The following CTNND2 variants were observed in gnomAD, a reference collection of about 807,000 sequenced individuals.
The protein encoded by CTNND2 is catenin delta 2.
In CTNND2, 22 loss-of-function variants were observed where a neutral mutation model predicts 144.4. The observed-to-expected ratio is 0.15, with a 90% CI of 0.11 to 0.22. CTNND2 has a LOEUF of 0.22. Ranked by LOEUF, CTNND2 falls within the 10% of genes least tolerant of loss-of-function variation. The pLI, the probability that CTNND2 is intolerant of heterozygous loss-of-function variation, is 1.00. For synonymous variants in CTNND2, 751 were observed against 695.6 expected (o/e 1.08, Z -1.25); for missense variants, 1,353 against 1,618.8 (o/e 0.84, Z 2.82).
At chr5:11,761,587 G>T (rs1292889778) in intron 1 of CTNND2, among the ~76,000 whole-genome samples, 1 of 152,030 alleles carries the variant, frequency 6.6e-6, no homozygotes, top group Non-Finnish European at 1.5e-5. Flanking sequence ...TAAAGTATTG[G>T]ATTTGAATTT....
intron 17 of CTNND2, among the ~76,000 whole-genome samples, chr5:11,018,752 CT>C (rs1178399597): frequency 6.7e-6 from 1 of 148,776 alleles, no homozygotes; most frequent in Non-Finnish European, 1.5e-5. Flanking sequence ...GCTCTGTTGC[CT>C]AGGCTGGAGT....
chr5:11,883,515 C>CT (rs1283937511), intron 1 of CTNND2, among the ~76,000 whole-genome samples: 2 of 152,152 alleles, frequency 1.3e-5, no homozygotes, highest in East Asian at 1.9e-4. Context: ...ATGAACTCAT[C>CT]TTTTTTATGG....
intron 12 of CTNND2, among the ~76,000 whole-genome samples, chr5:11,128,374 T>C (rs891952311): frequency 2.6e-5 from 4 of 152,106 alleles, no homozygotes; most frequent in Non-Finnish European, 4.4e-5. Flanking sequence ...GCTTGGATTC[T>C]TCCCCAGAGC....
chr5:11,887,865 C>T (rs990364861), intron 1 of CTNND2, among the ~76,000 whole-genome samples: 4 of 152,102 alleles, frequency 2.6e-5, no homozygotes, highest in African/African-American at 9.7e-5. Context: ...AAATGTCTTC[C>T]ACATGATTAG....
chr5:11,151,492 T>C (rs982625805), intron 12 of CTNND2, among the ~76,000 whole-genome samples: 33 of 152,362 alleles, frequency 2.2e-4, no homozygotes, highest in African/African-American at 2.4e-4. Context: ...AACTTTTTCA[T>C]TGAATTTCTT....
intron 2 of CTNND2, among the ~76,000 whole-genome samples, chr5:11,639,591 C>T (rs1169873246): frequency 2.0e-5 from 3 of 152,106 alleles, no homozygotes; most frequent in Non-Finnish European, 2.9e-5. Flanking sequence ...TGAAAAAATT[C>T]CATTGCTTAG....
At chr5:11,570,476 C>T (rs1008563847) in intron 2 of CTNND2, among the ~76,000 whole-genome samples, 2 of 152,132 alleles carry the variant, frequency 1.3e-5, no homozygotes, top group Non-Finnish European at 2.9e-5. Flanking sequence ...TTTTATTCTA[C>T]TCTCACACTT....
chr5:11,605,573 A>G (rs1484637119), intron 2 of CTNND2, among the ~76,000 whole-genome samples: 1 of 152,196 alleles, frequency 6.6e-6, no homozygotes, highest in Non-Finnish European at 1.5e-5. Context: ...TGCTGTTTTT[A>G]AAAAAGATCC....
intron 14 of CTNND2, among the ~76,000 whole-genome samples, chr5:11,102,856 G>A (rs1752032769): frequency 6.6e-6 from 1 of 151,938 alleles, no homozygotes; most frequent in African/African-American, 2.4e-5. Flanking sequence ...AATAACATAT[G>A]CGTGGGGCTG....
intron 12 of CTNND2, among the ~76,000 whole-genome samples, chr5:11,125,298 T>C (rs1754568388): frequency 6.6e-6 from 1 of 152,208 alleles, no homozygotes; most frequent in South Asian, 2.1e-4. Context: ...ATCCCCTTCA[T>C]TCTTCCACGA....
rs564936379 is a variant in CTNND2 at position 11,383,687 on chromosome 5, T to C, written c.1177+978A>G. Among the ~76,000 whole-genome samples, 5 of 152,282 alleles carry C rather than the reference T, an allele frequency of 3.3e-5. No individual in the cohort carries two copies. In the East Asian group the frequency reaches 7.7e-4, roughly 24 times the overall value. On this transcript the variant is annotated intron_variant, in intron 7 of 21. Transcript: ENST00000304623. ...TTTTAAATCCTATTTATCTTCACAG[T>C]CATCTATTTGTGTCAAGAAAGGAAG...
Position 11,498,972 on chromosome 5 carries a change from G to T in CTNND2, c.287+65972C>A, listed in dbSNP as rs893198214. Among the ~76,000 whole-genome samples, 6 of 152,104 alleles carry T rather than the reference G, an allele frequency of 3.9e-5. No individual in the cohort carries two copies. In the East Asian group the frequency reaches 1.2e-3, roughly 29 times the overall value. ...GAACATTCTCATCTCCTAAGAATTT[G>T]AACACATTAAAATGCAGACTTCATG... On this transcript the variant is annotated intron_variant, in intron 3 of 21. Transcript: ENST00000304623.
At chr5:11,847,763 A>T (rs1794816672) in intron 1 of CTNND2, among the ~76,000 whole-genome samples, 1 of 152,044 alleles carries the variant, frequency 6.6e-6, no homozygotes, top group Admixed American at 6.6e-5. Context: ...TTACATGTCA[A>T]TTATAAATTT....
chr5:11,160,929 A>T (rs1758712140), intron 11 of CTNND2, among the ~76,000 whole-genome samples: 1 of 152,250 alleles, frequency 6.6e-6, no homozygotes, highest in Admixed American at 6.5e-5. Flanking sequence ...TAAATAAGTG[A>T]CTATAAAAAT....
At chr5:11,512,942 G>A (rs925762495) in intron 3 of CTNND2, among the ~76,000 whole-genome samples, 7 of 152,140 alleles carry the variant, frequency 4.6e-5, no homozygotes, top group South Asian at 2.1e-4. Flanking sequence ...CAAATCTCAC[G>A]TCCTTCCTTT....
chr5:11,875,261 T>C (rs924883468), intron 1 of CTNND2, among the ~76,000 whole-genome samples: 3 of 152,180 alleles, frequency 2.0e-5, no homozygotes, highest in African/African-American at 7.2e-5. Context: ...CAAAACTACC[T>C]CCCTCTTCCT....
At chr5:11,896,262 T>C (rs942857644) in intron 1 of CTNND2, among the ~76,000 whole-genome samples, 20 of 152,314 alleles carry the variant, frequency 1.3e-4, no homozygotes, top group Admixed American at 3.9e-4. Context: ...TTACATGAGA[T>C]GTTAATAGGT....
At position 11,903,799 on chromosome 5, in the gene CTNND2, C is replaced by A; in HGVS notation, c.37+18G>T. 6.8e-7 allele frequency: 1 copy of A among 1,478,802 alleles called. No homozygotes were observed. Among genetic ancestry groups the A allele is most frequent in the South Asian group, 1.3e-5 (1 of 78,686 alleles). The allele number at this position is 1,478,802 out of a possible 1,614,324, so 91.6% of individuals were successfully genotyped here. ...AGGAGGCTGCGCCCGGCCCCGGCCG[C>A]CCAGCCCCGCAACTCACCCAAAGGC... is the stretch of plus-strand genomic sequence containing the variant. On this transcript the variant is annotated intron_variant, in intron 1 of 21. Transcript: ENST00000304623. The surrounding 1 kb of genome is among the most constrained non-coding windows in gnomAD (Gnocchi z 5.4).
At chr5:11,313,850 C>T (rs186323382) in intron 9 of CTNND2, among the ~76,000 whole-genome samples, 8 of 152,118 alleles carry the variant, frequency 5.3e-5, no homozygotes, top group African/African-American at 1.2e-4. Context: ...CATGGCAGAA[C>T]GTTAAGGGGA....
Sources: allele counts gnomAD v4.1 joint callset (sites outside exome capture counted in the v4.1 genomes callset), GRCh38; gene constraint gnomAD v4.1.1; non-coding constraint Gnocchi (gnomAD v3.1); transcripts MANE v1.5; gene names NCBI Gene and HGNC (gene_info 2026-07-23, HGNC 2026-07-21).